The following NTRK3 variants were observed in gnomAD, a reference collection of about 807,000 sequenced individuals.
NTRK3 encodes the protein NT-3 growth factor receptor.
A neutral mutation model predicts 91.7 loss-of-function variants in NTRK3; 24 were observed. The observed-to-expected ratio is 0.26, with a 90% CI of 0.19 to 0.37. The LOEUF (loss-of-function observed/expected upper bound fraction) is 0.37, where lower values mean the gene tolerates loss of function less well. NTRK3 is among the 10% of genes least tolerant of loss of function. The pLI, the probability that NTRK3 is intolerant of heterozygous loss-of-function variation, is 1.00. For synonymous variants in NTRK3, 483 were observed against 404.0 expected (o/e 1.20, Z -2.34); for missense variants, 880 against 1,068.9 (o/e 0.82, Z 2.46).
At chr15:88,188,504 C>A (rs914981935) in intron 3 of NTRK3, among the ~76,000 whole-genome samples, 5 of 152,312 alleles carry the variant, frequency 3.3e-5, no homozygotes, top group Non-Finnish European at 7.3e-5. Flanking sequence ...GTCCACAGCA[C>A]CAGGATTGAG....
At chr15:87,968,654 C>A (rs2072994570) in intron 14 of NTRK3, among the ~76,000 whole-genome samples, 1 of 152,164 alleles carries the variant, frequency 6.6e-6, no homozygotes, top group African/African-American at 2.4e-5. Context: ...CTAACCTCAC[C>A]TCACCACCCC....
At chr15:88,164,580 C>G (rs1014239961) in intron 5 of NTRK3, among the ~76,000 whole-genome samples, 2 of 152,054 alleles carry the variant, frequency 1.3e-5, no homozygotes, top group African/African-American at 2.4e-5. Context: ...CCCCATTGTC[C>G]CTCTCTCCTC....
At chr15:88,087,796 C>G (rs2048642605) in intron 13 of NTRK3, among the ~76,000 whole-genome samples, 2 of 152,198 alleles carry the variant, frequency 1.3e-5, no homozygotes, top group Admixed American at 1.3e-4. Flanking sequence ...TGCCTGTAAT[C>G]CCAGCACTTT....
chr15:88,008,464 C>A lies in NTRK3; in HGVS notation c.1585+24393G>T, dbSNP rs551158428. Among the ~76,000 whole-genome samples the A allele has an allele frequency of 3.3e-5, 5 of 152,160 alleles. No homozygotes were observed. The South Asian group carries it at 1.0e-3, about 32-fold the overall frequency. On this transcript the variant is annotated intron_variant, in intron 14 of 18. Coordinates refer to ENST00000394480, the Ensembl canonical transcript of NTRK3. ...CCACACAAAGACCAAGAACCAGGAT[C>A]TCCGAGGTTCTTGGACACAGTGGTC...
At chr15:88,025,367 T>C (rs2077945884) in intron 14 of NTRK3, among the ~76,000 whole-genome samples, 1 of 152,240 alleles carries the variant, frequency 6.6e-6, no homozygotes, top group Admixed American at 6.5e-5. Flanking sequence ...GCAATGAAGT[T>C]GTCTGTTACA....
rs1388971480 is a variant in NTRK3 at position 88,233,502 on chromosome 15, G to A, written c.248+22404C>T. Among the ~76,000 whole-genome samples the A allele has an allele frequency of 6.6e-6, 1 of 152,144 alleles. No individual in the cohort carries two copies. Among genetic ancestry groups the A allele is most frequent in the African/African-American group, 2.4e-5 (1 of 41,422 alleles). On this transcript the variant is annotated intron_variant, in intron 3 of 18. Transcript: ENST00000394480. The surrounding 1 kb of genome is among the most constrained non-coding windows in gnomAD (Gnocchi z 4.2). ...AACCACAGTTAGCATCCTCGAAAGA[G>A]CAAATCCCAAGACCCTCTAATCCCC...
At chr15:88,187,980 A>C (rs2047078987) in intron 3 of NTRK3, among the ~76,000 whole-genome samples, 1 of 151,928 alleles carries the variant, frequency 6.6e-6, no homozygotes, top group East Asian at 1.9e-4. Context: ...TTCTAGAGGC[A>C]GGCCAGGCAC....
At chr15:88,040,696 G>A (rs1314819296) in intron 13 of NTRK3, among the ~76,000 whole-genome samples, 1 of 152,188 alleles carries the variant, frequency 6.6e-6, no homozygotes, top group Non-Finnish European at 1.5e-5. Context: ...CATTTGCCCA[G>A]CCAACGTGTA....
exon 19 of NTRK3, chr15:87,876,872 A>G: frequency 6.4e-7 from 1 of 1,564,744 alleles, no homozygotes; most frequent in Non-Finnish European, 8.8e-7. Flanking sequence ...GTGAGGTGGA[A>G]GGGAGATGTG....
chr15:88,028,354 G>C (rs185536271), intron 14 of NTRK3, among the ~76,000 whole-genome samples: 1 of 152,294 alleles, frequency 6.6e-6, no homozygotes, highest in East Asian at 1.9e-4. Context: ...GGATTAAATA[G>C]ACAAAAGGGG....
intron 13 of NTRK3, among the ~76,000 whole-genome samples, chr15:88,112,731 C>A (rs2051554045): frequency 6.6e-6 from 1 of 152,198 alleles, no homozygotes; most frequent in South Asian, 2.1e-4. Context: ...CTCTGAGCAG[C>A]AGGGTTCAGA....
intron 15 of NTRK3, among the ~76,000 whole-genome samples, chr15:87,937,207 G>A (rs2069376783): frequency 2.0e-5 from 3 of 152,104 alleles, no homozygotes; most frequent in Admixed American, 2.0e-4. Context: ...CCCACAGAGG[G>A]GCTTACCAAG....
intron 13 of NTRK3, among the ~76,000 whole-genome samples, chr15:88,063,078 C>T (rs754742577): frequency 9.9e-5 from 15 of 152,244 alleles, no homozygotes; most frequent in Non-Finnish European, 1.6e-4. Context: ...TGGGCTCCAT[C>T]CCTTGGACAG....
intron 16 of NTRK3, among the ~76,000 whole-genome samples, chr15:87,931,434 A>G (rs528804022): frequency 1.3e-5 from 2 of 152,338 alleles, no homozygotes; most frequent in South Asian, 4.1e-4. Context: ...TCACTGAACT[A>G]CTTGCAAAAC....
At chr15:88,179,854 T>A (rs915766729) in intron 5 of NTRK3, among the ~76,000 whole-genome samples, 4 of 152,070 alleles carry the variant, frequency 2.6e-5, no homozygotes, top group Non-Finnish European at 5.9e-5. Flanking sequence ...AAGAGGAGAA[T>A]AGAGAACTTA....
In NTRK3 at chr15:88,194,964, C is replaced by A. The variant is rs188195119; in HGVS notation, c.249-10665G>T. Reference sequence around the variant, plus strand: ...ACTTCTCCAGAGAAGCCTTCCCTGACCAACCTAGCTAGGGTCATTCTCTGA... The same window carrying A: ...ACTTCTCCAGAGAAGCCTTCCCTGAACAACCTAGCTAGGGTCATTCTCTGA... On this transcript the variant is annotated intron_variant, in intron 3 of 18. Transcript: ENST00000394480. 3.5e-3 allele frequency among the ~76,000 whole-genome samples: 537 copies of A among 152,332 alleles called. 7 individuals are homozygous for A. Among genetic ancestry groups the A allele is most frequent in the East Asian group, 0.023 (117 of 5,192 alleles).
intron 3 of NTRK3, among the ~76,000 whole-genome samples, chr15:88,214,009 G>A (rs1411430224): frequency 6.6e-6 from 1 of 152,078 alleles, no homozygotes; most frequent in Non-Finnish European, 1.5e-5. Flanking sequence ...AACCTGGGAG[G>A]TGGAGGTTGC....
At position 88,218,387 on chromosome 15, in the gene NTRK3, A is replaced by G. The variant is rs183600637; in HGVS notation, c.249-34088T>C. ...GTCAACCTTGCCTCTACCACTTATCAGCTCTGTGATCCAGCACAGCTTACT... is the reference window on the plus strand; with the variant it reads ...GTCAACCTTGCCTCTACCACTTATCGGCTCTGTGATCCAGCACAGCTTACT... On this transcript the variant is annotated intron_variant, in intron 3 of 18. Coordinates refer to ENST00000394480, the Ensembl canonical transcript of NTRK3. 1.1e-3 allele frequency among the ~76,000 whole-genome samples: 167 copies of G among 152,302 alleles called. 1 individual carries two copies. The highest frequency in any genetic ancestry group is 3.9e-3 in the African/African-American group (161 of 41,570).
chr15:88,174,292 A>G (rs2045794749), intron 5 of NTRK3, among the ~76,000 whole-genome samples: 1 of 152,154 alleles, frequency 6.6e-6, no homozygotes, highest in African/African-American at 2.4e-5. Flanking sequence ...AGCTTATCCA[A>G]CGTCACAGCA....
Sources: gnomAD v4.1 joint callset for allele counts (sites outside exome capture counted in the v4.1 genomes callset) on GRCh38, gnomAD v4.1.1 for gene constraint, Gnocchi (gnomAD v3.1) non-coding constraint, MANE v1.5 for transcripts, NCBI Gene and HGNC (gene_info 2026-07-23, HGNC 2026-07-21) for gene names.